TRPC1: variants seen among roughly 807,000 people sequenced by gnomAD.
The protein encoded by TRPC1 is short transient receptor potential channel 1.
Under a neutral mutation model 88.2 loss-of-function variants are expected in TRPC1, and 42 were observed. The ratio of observed to expected loss-of-function variants is 0.48; its 90% confidence interval spans 0.37 to 0.62. The LOEUF is 0.62. Among genes scored for constraint, TRPC1 ranks in the 20% least tolerant of loss-of-function variants. The probability of loss-of-function intolerance (pLI) is 0.00; values close to 1 mark genes in which losing one functional copy is unlikely to be tolerated. For missense variants in TRPC1, 699 were observed against 957.3 expected, an observed-to-expected ratio of 0.73 and a Z score of 3.56; for synonymous variants, 288 against 331.8, an observed-to-expected ratio of 0.87 and a Z score of 1.43.
At chr3:142,765,464 A>G (rs1347598900) in intron 4 of TRPC1, among the ~76,000 whole-genome samples, 4 of 152,198 alleles carry the variant, frequency 2.6e-5, no homozygotes, top group Non-Finnish European at 5.9e-5. Flanking sequence ...GTACAACACA[A>G]AAACAGACAT....
intron 9 of TRPC1, among the ~76,000 whole-genome samples, chr3:142,799,714 T>A (rs995003745): frequency 1.3e-5 from 2 of 152,040 alleles, no homozygotes; most frequent in Admixed American, 1.3e-4. Context: ...TGGGGAGGAC[T>A]GCTGAAGCCT....
chr3:142,730,829 C>T (rs1043844056), intron 1 of TRPC1, among the ~76,000 whole-genome samples: 1 of 152,164 alleles, frequency 6.6e-6, no homozygotes, highest in Non-Finnish European at 1.5e-5. Context: ...TTGCCACACT[C>T]AGGTTTGTTA....
At chr3:142,805,932 G>A in intron 12 of TRPC1, 76 bp from the exon 13 acceptor site, 2 of 1,295,276 alleles carry the variant, frequency 1.5e-6, no homozygotes, top group South Asian at 1.4e-5. Context: ...GTTTGTGTCT[G>A]TGAATATATT....
Position 142,738,846 on chromosome 3 carries a change from G to T in TRPC1, c.327+2313G>T, listed in dbSNP as rs1446652971. On this transcript the variant is annotated intron_variant, in intron 2 of 12. Transcript: ENST00000476941. ...ACTCAGCCTTGAAATATTAATAATT[G>T]CTAACATTTATATAATAACTACTCT... Among the ~76,000 whole-genome samples, 6 of 152,102 alleles carry T rather than the reference G, an allele frequency of 3.9e-5. No homozygotes were observed. In the East Asian group the frequency reaches 1.2e-3, roughly 29 times the overall value.
intron 2 of TRPC1, among the ~76,000 whole-genome samples, chr3:142,741,146 A>C (rs1450840107): frequency 8.1e-6 from 1 of 123,512 alleles, no homozygotes; most frequent in Non-Finnish European, 1.8e-5. Flanking sequence ...CAAATATCTG[A>C]GAAATTGGAA....
intron 1 of TRPC1, among the ~76,000 whole-genome samples, chr3:142,725,315 A>T (rs1933631034): frequency 2.0e-5 from 3 of 152,228 alleles, no homozygotes; most frequent in African/African-American, 4.8e-5. Flanking sequence ...TAAGGACGGG[A>T]CGGAAGAAAT....
intron 9 of TRPC1, chr3:142,793,920 G>A (rs1334480911): frequency 1.0e-6 from 1 of 984,884 alleles, no homozygotes; most frequent in East Asian, 1.1e-4. Flanking sequence ...TTCCTGAAGT[G>A]TGGCTCTCTT....
intron 4 of TRPC1, among the ~76,000 whole-genome samples, chr3:142,764,434 G>C (rs1935315096): frequency 6.6e-6 from 1 of 151,972 alleles, no homozygotes; most frequent in Non-Finnish European, 1.5e-5. Context: ...AGCATTTTTT[G>C]CAAGGTGGAT....
At chr3:142,746,456 G>C (rs980683407) in intron 3 of TRPC1, among the ~76,000 whole-genome samples, 1 of 151,940 alleles carries the variant, frequency 6.6e-6, no homozygotes, top group African/African-American at 2.4e-5. Context: ...AGATGGAAAA[G>C]GGCTAGTTTT....
rs781682227 is a variant in TRPC1 at position 142,736,477 on chromosome 3, A to G, written c.271A>G (p.Thr91Ala). ...GCTTGGGAGAAATGCTGTTACCATAACTATTGAAAACGAAAACTTGGATAT... is the reference window on the plus strand; with the variant it reads ...GCTTGGGAGAAATGCTGTTACCATAGCTATTGAAAACGAAAACTTGGATAT... ...DVLGRNAVTI[T>A]IENENLDILQ... Residue 91 changes from threonine to alanine, a missense_variant, in exon 2 of 13, where the codon ACT becomes GCT. Physicochemically the swap from Thr to Ala is moderately conservative, Grantham distance 58. This residue lies in a region of TRPC1 where 157 missense variants were observed against 127.0 expected (regional missense o/e 1.24). Transcript: ENST00000476941. The G allele has an allele frequency of 6.2e-7, 1 of 1,612,462 alleles. No homozygotes were observed. The highest frequency in any genetic ancestry group is 2.2e-5 in the East Asian group (1 of 44,696).
In TRPC1 at chr3:142,802,305, G is replaced by C. The variant is rs1385080634; in HGVS notation, c.1718G>C (p.Gly573Ala). 2 of 1,545,532 alleles carry C rather than the reference G, an allele frequency of 1.3e-6. No individual in the cohort carries two copies. Among genetic ancestry groups the C allele is most frequent in the Non-Finnish European group, 8.7e-7 (1 of 1,149,710 alleles). ...YTSKEQKDCV[G>A]IFCEQQSNDT... ...TCAAAGGAGCAGAAGGACTGTGTAG[G>C]CATCTTCTGTGAACAGCAAAGCAAT... Residue 573 changes from glycine (G) to alanine (A), a missense_variant, in exon 10 of 13, where the codon GGC (glycine) becomes GCC (alanine). By Grantham distance (60) the Gly-to-Ala change is moderately conservative. Transcript: ENST00000476941.
intron 1 of TRPC1, among the ~76,000 whole-genome samples, chr3:142,725,005 GC>G (rs1259590328): frequency 6.6e-6 from 1 of 152,206 alleles, no homozygotes; most frequent in Non-Finnish European, 1.5e-5. Flanking sequence ...CGCCTTGGGA[GC>G]CCCGACCCCA....
At chr3:142,804,835 G>A (rs552247563) in intron 12 of TRPC1, among the ~76,000 whole-genome samples, 13 of 152,118 alleles carry the variant, frequency 8.5e-5, no homozygotes, top group African/African-American at 2.2e-4. Context: ...GGCTGGGTGC[G>A]GTGGCTCACG....
At chr3:142,744,601 T>C (rs1934473930) in intron 3 of TRPC1, among the ~76,000 whole-genome samples, 2 of 152,134 alleles carry the variant, frequency 1.3e-5, no homozygotes, top group African/African-American at 4.8e-5. Context: ...TGGAAAAATA[T>C]AACGTAGTAA....
chr3:142,742,522 A>T (rs2108033539), intron 2 of TRPC1, among the ~76,000 whole-genome samples: 1 of 152,282 alleles, frequency 6.6e-6, no homozygotes, highest in East Asian at 1.9e-4. Flanking sequence ...TTACATCCAG[A>T]TAAAGTGAAT....
intron 4 of TRPC1, among the ~76,000 whole-genome samples, chr3:142,764,061 A>G (rs1328489153): frequency 7.4e-6 from 1 of 134,276 alleles, no homozygotes; most frequent in Non-Finnish European, 1.5e-5. Flanking sequence ...ATCACAGACA[A>G]AAGAATGGAA....
chr3:142,769,202 T>C (rs1333252682), intron 4 of TRPC1, among the ~76,000 whole-genome samples: 2 of 152,098 alleles, frequency 1.3e-5, no homozygotes, highest in Admixed American at 6.6e-5. Flanking sequence ...ATTTGTTGGT[T>C]TTTCATATAT....
At chr3:142,731,167 A>G (rs978288144) in intron 1 of TRPC1, among the ~76,000 whole-genome samples, 7 of 152,054 alleles carry the variant, frequency 4.6e-5, no homozygotes, top group African/African-American at 1.7e-4. Flanking sequence ...AATTGATTTT[A>G]TGACTGTTAA....
At chr3:142,733,121 CTTTTAT>C (rs76948080) in intron 1 of TRPC1, among the ~76,000 whole-genome samples, 32,022 of 151,776 alleles carry the variant, frequency 0.21, 3,413 homozygotes, top group East Asian at 0.33. Context: ...AGGGTGGAAC[CTTTTAT>C]TTTTAGGGAT....
Sources: allele counts gnomAD v4.1 joint callset (sites outside exome capture counted in the v4.1 genomes callset), GRCh38; gene constraint gnomAD v4.1.1; regional missense constraint gnomAD v4.1.1; transcripts MANE v1.5; gene names NCBI Gene and HGNC (gene_info 2026-07-23, HGNC 2026-07-21).